BBS4: variants seen among roughly 807,000 people sequenced by gnomAD.
BBS4 encodes the protein BBSome complex member BBS4.
In BBS4, 58 loss-of-function variants were observed where a neutral mutation model predicts 71.4. The observed-to-expected ratio is 0.81, with a 90% CI of 0.66 to 1.01. The LOEUF (loss-of-function observed/expected upper bound fraction) is 1.01. Ranked by LOEUF, BBS4 falls within the 50% of genes least tolerant of loss-of-function variation. The pLI is 0.00. For missense variants in BBS4, 660 were observed against 607.9 expected (o/e 1.09, Z -0.90); for synonymous variants, 228 against 216.8 (o/e 1.05, Z -0.46).
At chr15:72,724,500 G>C in intron 7 of BBS4, 28 bp from the exon 8 acceptor site, 1 of 1,612,918 alleles carries the variant, frequency 6.2e-7, no homozygotes, top group Non-Finnish European at 8.5e-7. Context: ...TAGTGATTTG[G>C]TTTTCTTTAT....
At position 72,724,563 on chromosome 15, in the gene BBS4, T is replaced by G; in HGVS notation, c.495T>G (p.Asn165Lys). Residue 165 changes from asparagine to lysine, a missense_variant, in exon 8 of 16, where the codon AAT (asparagine) becomes AAG (lysine). Asn to Lys is a moderately conservative substitution (Grantham distance 94). Coordinates refer to ENST00000268057, the MANE Select transcript of BBS4 (RefSeq NM_033028.5). ...QDQLHNALNL[N>K]RHDLTYIMLG... ...AGTTGCACAATGCCCTGAATCTTAA[T>G]AGGCACGATCTGACTTATATAATGC... The G allele has an allele frequency of 6.2e-7, 1 of 1,614,108 alleles. No homozygotes were observed. Among genetic ancestry groups the G allele is most frequent in the Non-Finnish European group, 8.5e-7 (1 of 1,179,968 alleles).
Position 72,724,782 on chromosome 15 carries a change from G to GA in BBS4, c.587+129dup, listed in dbSNP as rs2065637594. 2.4e-6 allele frequency: 3 copies of GA among 1,246,232 alleles called. No homozygotes were observed. The East Asian group carries it at 7.9e-5, about 33-fold the overall frequency. 77.2% of individuals were successfully genotyped at this position (1,246,232 alleles called of 1,614,324 possible). On this transcript the variant is annotated intron_variant, in intron 8 of 15. Transcript: ENST00000268057. The stretch of plus-strand genomic sequence containing the variant: ...TACTGTATGAGTTAAAGGTTAAGCT[G>GA]AAGTTTAAGAGCTCCCAGTAGCTTC...
chr15:72,715,361 T>G lies in BBS4; in HGVS notation c.291T>G (p.Ser97Arg). The G allele has an allele frequency of 1.2e-6, 2 of 1,614,114 alleles. No individual in the cohort carries two copies. The highest frequency in any genetic ancestry group is 8.5e-7 in the Non-Finnish European group (1 of 1,179,970). The part of the protein sequence containing the change: ...LELFQTCAVL[S>R]PQSADNLKQV... ...TCTTCCAGACATGTGCAGTTCTTAG[T>G]CCTCAGAGTGCTGATAACCTCAAGC... The change falls in exon 5 of 16, where the codon AGT (serine) becomes AGG (arginine). Residue 97 changes from serine to arginine, a missense_variant. By Grantham distance (110) the Ser-to-Arg change is moderately radical. Coordinates refer to ENST00000268057, the MANE Select transcript of BBS4 (RefSeq NM_033028.5).
In BBS4 at chr15:72,714,663, A is replaced by C. The variant is rs1278001425; in HGVS notation, c.221-628A>C. 2.0e-5 allele frequency among the ~76,000 whole-genome samples: 3 copies of C among 152,184 alleles called. No homozygotes were observed. In the East Asian group the frequency reaches 5.8e-4, roughly 29 times the overall value. On this transcript the variant is annotated intron_variant, in intron 4 of 15. Transcript: ENST00000268057. ...TTTGTAGTCTTCAGATTAACATATAATTTTCTGACATAATTGTTAAGATAT... is the reference window on the plus strand; with the variant it reads ...TTTGTAGTCTTCAGATTAACATATACTTTTCTGACATAATTGTTAAGATAT...
At chr15:72,691,760 C>G (rs940971319) in intron 1 of BBS4, among the ~76,000 whole-genome samples, 1 of 152,010 alleles carries the variant, frequency 6.6e-6, no homozygotes, top group Admixed American at 6.6e-5. Context: ...GTCAAGAGAT[C>G]GAGATCATCC....
At chr15:72,699,699 A>G (rs2065137406) in intron 2 of BBS4, among the ~76,000 whole-genome samples, 1 of 152,196 alleles carries the variant, frequency 6.6e-6, no homozygotes, top group South Asian at 2.1e-4. Context: ...ACTTTCCTAT[A>G]ATAAGTTGTG....
Position 72,736,842 on chromosome 15 carries a change from C to G in BBS4, c.1329C>G (p.Pro443=). 1.2e-6 allele frequency: 2 copies of G among 1,614,156 alleles called. No individual in the cohort carries two copies. Among genetic ancestry groups the G allele is most frequent in the East Asian group, 2.2e-5 (1 of 44,882 alleles). The part of the protein sequence containing the change: ...ALVWTKPVKD[P]KSKHQTTSTS... ...TCTGGACCAAACCAGTTAAAGATCC[C>G]AAATCAAAGCACCAGACCACTTCAA... is the stretch of plus-strand genomic sequence containing the variant. Residue 443 remains proline (P), a synonymous_variant, in exon 15 of 16, where the codon CCC becomes CCG. Transcript: ENST00000268057.
At chr15:72,692,321 T>C (rs2064999608) in intron 1 of BBS4, among the ~76,000 whole-genome samples, 1 of 132,368 alleles carries the variant, frequency 7.6e-6, no homozygotes, top group East Asian at 2.2e-4. Flanking sequence ...TTTTTTTTTT[T>C]TTTTTTTTTT....
At chr15:72,700,666 T>G (rs978755788) in intron 2 of BBS4, among the ~76,000 whole-genome samples, 6 of 152,224 alleles carry the variant, frequency 3.9e-5, no homozygotes, top group Admixed American at 3.3e-4. Flanking sequence ...TAATATATTC[T>G]GAATGTACGT....
At chr15:72,719,762 T>G (rs540787858) in intron 6 of BBS4, among the ~76,000 whole-genome samples, 61 of 44,906 alleles carry the variant, frequency 1.4e-3, no homozygotes, top group African/African-American at 4.4e-3. Context: ...TTTTTTTTTT[T>G]TTGTTGAGAC....
Position 72,737,523 on chromosome 15 carries a change from T to G in BBS4, c.1496T>G (p.Leu499Arg). 2 of 1,613,226 alleles carry G rather than the reference T, an allele frequency of 1.2e-6. No homozygotes were observed. Among genetic ancestry groups the G allele is most frequent in the Non-Finnish European group, 1.7e-6 (2 of 1,179,668 alleles). Reference sequence around the variant, plus strand: ...TTCACAAAGCCCCCATCTCTTCCTCTGGAGCCAGAGCCTGCGGTGGAATCA... The same window carrying G: ...TTCACAAAGCCCCCATCTCTTCCTCGGGAGCCAGAGCCTGCGGTGGAATCA... ...SQFTKPPSLP[L>R]EPEPAVESSP... The change falls in exon 16 of 16, where the codon CTG becomes CGG. Residue 499 changes from leucine to arginine, a missense_variant. Transcript: ENST00000268057.
chr15:72,707,271 C>A (rs1023398906), intron 2 of BBS4, among the ~76,000 whole-genome samples: 63 of 150,980 alleles, frequency 4.2e-4, no homozygotes, highest in African/African-American at 1.5e-3. Flanking sequence ...CTCCCCGCAC[C>A]AGGTTCAAGT....
At position 72,731,604 on chromosome 15, in the gene BBS4, AG is replaced by A; in HGVS notation, c.915del (p.Ile306PhefsTer10). On this transcript the variant is annotated frameshift_variant, in exon 12 of 16. Coordinates refer to ENST00000268057, the MANE Select transcript of BBS4 (RefSeq NM_033028.5). LOFTEE classifies it high-confidence loss of function. ...RANYLAPFDWKILYNLGLVHL... is the reference protein window; with the variant it reads ...RANYLAPFDWXILYNLGLVHL... ...AACTACTTGGCACCCTTTGATTGGA[AG>A]ATTCTGTATAATTTGGGCCTTGTCC... The A allele has an allele frequency of 6.2e-7, 1 of 1,614,184 alleles. No individual in the cohort carries two copies.
At chr15:72,698,834 A>G (rs1208917568) in intron 2 of BBS4, among the ~76,000 whole-genome samples, 2 of 152,198 alleles carry the variant, frequency 1.3e-5, no homozygotes, top group African/African-American at 4.8e-5. Flanking sequence ...GATGCTGTAC[A>G]TGCTCTTCAC....
rs1287450306 is a variant in BBS4, at chr15:72,731,286, C to T, written c.712-19C>T. 1 of 1,613,830 alleles carries T rather than the reference C, an allele frequency of 6.2e-7. No individual in the cohort carries two copies. Among genetic ancestry groups the T allele is most frequent in the Non-Finnish European group, 8.5e-7 (1 of 1,180,006 alleles). ...CTTTTGGGAATGACTGAATGACTTTCTCTGTGCCATGTTTTCAGGCCATCT... is the reference window on the plus strand; with the variant it reads ...CTTTTGGGAATGACTGAATGACTTTTTCTGTGCCATGTTTTCAGGCCATCT... On this transcript the variant is annotated intron_variant, in intron 10 of 15. Transcript: ENST00000268057.
At chr15:72,690,859 C>A (rs981048772) in intron 1 of BBS4, among the ~76,000 whole-genome samples, 12 of 152,162 alleles carry the variant, frequency 7.9e-5, no homozygotes, top group Non-Finnish European at 1.6e-4. Context: ...TTTTCCACAT[C>A]CCTGTCAACA....
chr15:72,690,163 A>C (rs796480274), intron 1 of BBS4, among the ~76,000 whole-genome samples: 1 of 152,130 alleles, frequency 6.6e-6, no homozygotes, highest in Non-Finnish European at 1.5e-5. Flanking sequence ...TTGGATAAAT[A>C]TGTCATCCTG....
chr15:72,719,653 C>A (rs17826791), intron 6 of BBS4, among the ~76,000 whole-genome samples: 1 of 151,986 alleles, frequency 6.6e-6, no homozygotes, highest in Non-Finnish European at 1.5e-5. Flanking sequence ...CTTAATCTAT[C>A]CAGTTGGTTG....
intron 1 of BBS4, chr15:72,686,823 T>G (rs2064853938): frequency 2.9e-6 from 1 of 343,022 alleles, no homozygotes; most frequent in Admixed American, 4.0e-5. Flanking sequence ...CATATATCTA[T>G]AATTGGATCT....
Sources: gnomAD v4.1 joint callset for allele counts (sites outside exome capture counted in the v4.1 genomes callset) on GRCh38, gnomAD v4.1.1 for gene constraint, MANE v1.5 for transcripts, NCBI Gene and HGNC (gene_info 2026-07-23, HGNC 2026-07-21) for gene names.